Variants in MAST4 observed in about 807,000 individuals in gnomAD.
MAST4 encodes the protein microtubule-associated serine/threonine-protein kinase 4.
In MAST4, 89 loss-of-function variants were observed where a neutral mutation model predicts 162.7. That is an observed-to-expected ratio of 0.55 (90% CI 0.46 to 0.65). The LOEUF is 0.65. Ranked by LOEUF, MAST4 falls within the 30% of genes least tolerant of loss-of-function variation. The pLI, the probability that MAST4 is intolerant of heterozygous loss-of-function variation, is 0.00. For synonymous variants in MAST4, 1,479 were observed against 1,361.1 expected (o/e 1.09, Z -1.91); for missense variants, 3,153 against 3,374.0 (o/e 0.93, Z 1.62).
intron 4 of MAST4, among the ~76,000 whole-genome samples, chr5:66,908,233 T>C (rs1039933104): frequency 1.3e-5 from 2 of 152,254 alleles, no homozygotes. Flanking sequence ...CACATGCATT[T>C]GTCTTCTGTG....
intron 4 of MAST4, among the ~76,000 whole-genome samples, chr5:66,953,904 G>C (rs1447745880): frequency 6.6e-6 from 1 of 152,108 alleles, no homozygotes; most frequent in Non-Finnish European, 1.5e-5. Context: ...CTTATTCCCT[G>C]CTGCAAAGGG....
chr5:67,072,980 T>C (rs1360813969), intron 5 of MAST4, among the ~76,000 whole-genome samples: 1 of 152,210 alleles, frequency 6.6e-6, no homozygotes, highest in Non-Finnish European at 1.5e-5. Flanking sequence ...CAAATTATAG[T>C]TGTGATGGTA....
intron 3 of MAST4, among the ~76,000 whole-genome samples, chr5:66,898,186 A>G (rs1280242801): frequency 3.3e-5 from 5 of 152,100 alleles, no homozygotes; most frequent in Non-Finnish European, 7.4e-5. Flanking sequence ...AGTGTGGTGT[A>G]TTTTGTAATC....
At chr5:67,062,595 G>C (rs1759761626) in intron 5 of MAST4, among the ~76,000 whole-genome samples, 1 of 152,130 alleles carries the variant, frequency 6.6e-6, no homozygotes, top group South Asian at 2.1e-4. Context: ...TAGCTGCATA[G>C]ACATGATAGT....
At chr5:67,106,322 C>A (rs189403298) in intron 10 of MAST4, among the ~76,000 whole-genome samples, 1 of 152,300 alleles carries the variant, frequency 6.6e-6, no homozygotes, top group Non-Finnish European at 1.5e-5. Flanking sequence ...TCTACCTGGG[C>A]AGCCCACTGA....
At chr5:66,731,885 C>A (rs1751878872) in intron 1 of MAST4, among the ~76,000 whole-genome samples, 1 of 152,062 alleles carries the variant, frequency 6.6e-6, no homozygotes, top group Admixed American at 6.5e-5. Context: ...GGCCAAGCCA[C>A]CCTTGCTCCC....
chr5:66,963,089 G>T (rs1030643487), intron 4 of MAST4, among the ~76,000 whole-genome samples: 2 of 152,082 alleles, frequency 1.3e-5, no homozygotes, highest in African/African-American at 2.4e-5. Context: ...GATTATAATG[G>T]TTCATTGACA....
rs546182757 is a variant in MAST4, at chr5:66,629,018, T to C, written c.363+32000T>C. ...TTAGGGACCCAAACAATGTTATCAT[T>C]TTTTGGAGAAAAACCTTCACAGCAG... On this transcript the variant is annotated intron_variant, in intron 1 of 28. Transcript: ENST00000403625. Among the ~76,000 whole-genome samples the C allele has an allele frequency of 2.0e-5, 3 of 152,308 alleles. No individual in the cohort carries two copies. In the East Asian group the frequency reaches 5.8e-4, roughly 29 times the overall value.
rs564660820 is a variant in MAST4 at position 67,016,765 on chromosome 5, T to C, written c.675-37639T>C. ...GATTAACACCCCATGCACTCAGGCTTATTTTCCTGAGCTTTCCCTGTATGT... is the reference window on the plus strand; with the variant it reads ...GATTAACACCCCATGCACTCAGGCTCATTTTCCTGAGCTTTCCCTGTATGT... On this transcript the variant is annotated intron_variant, in intron 4 of 28. Transcript: ENST00000403625. 3.3e-5 allele frequency among the ~76,000 whole-genome samples: 5 copies of C among 152,364 alleles called. No homozygotes were observed. In the South Asian group the frequency reaches 1.0e-3, roughly 32 times the overall value.
intron 4 of MAST4, among the ~76,000 whole-genome samples, chr5:66,956,062 A>G (rs1745280993): frequency 6.6e-6 from 1 of 151,732 alleles, no homozygotes; most frequent in Non-Finnish European, 1.5e-5. Flanking sequence ...GCCTTAAGTA[A>G]TCCTCCCACC....
Position 67,167,158 on chromosome 5 carries a change from C to A in MAST4, c.*107C>A. 1.0e-6 allele frequency: 1 copy of A among 965,064 alleles called. No individual in the cohort carries two copies. The highest frequency in any genetic ancestry group is 1.4e-6 in the Non-Finnish European group (1 of 698,948). The allele number at this position is 965,064 out of a possible 1,614,324, so 59.8% of individuals were successfully genotyped here. A position where few individuals can be genotyped will look rare whatever the true frequency, so the allele number is the denominator to read the frequency against. On this transcript the variant is annotated 3_prime_UTR_variant, in exon 29 of 29. Coordinates refer to ENST00000403625, the MANE Select transcript of MAST4 (RefSeq NM_001164664.2). ...GTGTGGGAATGTCCGCCAGGCAGAG[C>A]TCGGAGCCTCATTGAGACAGGGGAG...
chr5:67,116,858 A>G (rs1476743908), intron 12 of MAST4, among the ~76,000 whole-genome samples: 10 of 152,082 alleles, frequency 6.6e-5, no homozygotes. Flanking sequence ...ATTGTTCTAC[A>G]TTTGTTTCCC....
At chr5:66,680,487 T>C (rs992690505) in intron 1 of MAST4, among the ~76,000 whole-genome samples, 1 of 152,168 alleles carries the variant, frequency 6.6e-6, no homozygotes, top group East Asian at 1.9e-4. Flanking sequence ...GGAATGAGAA[T>C]GTCAATTCAG....
At chr5:66,924,217 CT>C (rs976925318) in intron 4 of MAST4, among the ~76,000 whole-genome samples, 2 of 152,226 alleles carry the variant, frequency 1.3e-5, no homozygotes, top group African/African-American at 2.4e-5. Context: ...ACATTTTGAC[CT>C]TTCTGAACTT....
chr5:66,610,819 TG>T (rs1284416430), intron 1 of MAST4, among the ~76,000 whole-genome samples: 3 of 152,252 alleles, frequency 2.0e-5, no homozygotes, highest in Admixed American at 6.5e-5. Context: ...GTTGTGGCTC[TG>T]GGGAGCCTCT....
intron 4 of MAST4, among the ~76,000 whole-genome samples, chr5:66,908,320 C>T (rs1763520549): frequency 6.6e-6 from 1 of 151,988 alleles, no homozygotes; most frequent in Non-Finnish European, 1.5e-5. Context: ...TATATGAAGA[C>T]CTTAGTTTTG....
At chr5:66,918,493 C>G (rs922876983) in intron 4 of MAST4, among the ~76,000 whole-genome samples, 1 of 152,128 alleles carries the variant, frequency 6.6e-6, no homozygotes, top group Non-Finnish European at 1.5e-5. Flanking sequence ...TTAATTTATA[C>G]TGTATATTGA....
chr5:66,707,671 C>A (rs1750223072), intron 1 of MAST4, among the ~76,000 whole-genome samples: 1 of 152,272 alleles, frequency 6.6e-6, no homozygotes, highest in African/African-American at 2.4e-5. Context: ...AAATACCTCT[C>A]TAAAGACCCT....
chr5:67,118,636 A>C, intron 12 of MAST4, 46 bp from the exon 13 acceptor site: 1 of 1,146,330 alleles, frequency 8.7e-7, no homozygotes, highest in Non-Finnish European at 1.3e-6. Flanking sequence ...TTCTTATCCA[A>C]TTGCAATATT....
Sources: gnomAD v4.1 joint callset for allele counts (sites outside exome capture counted in the v4.1 genomes callset) on GRCh38, gnomAD v4.1.1 for gene constraint, MANE v1.5 for transcripts, NCBI Gene and HGNC (gene_info 2026-07-23, HGNC 2026-07-21) for gene names.